Variants in N4BP2L2 observed in about 807,000 individuals in gnomAD.
The protein encoded by N4BP2L2 is NEDD4-binding protein 2-like 2.
A neutral mutation model predicts 56.2 loss-of-function variants in N4BP2L2; 50 were observed. The ratio of observed to expected loss-of-function variants is 0.89; its 90% CI spans 0.71 to 1.13. The LOEUF (loss-of-function observed/expected upper bound fraction) is 1.13, where lower values mean the gene tolerates loss of function less well. N4BP2L2 is among the 50% of genes most tolerant of loss of function. N4BP2L2 has a pLI of 0.00. For synonymous variants in N4BP2L2, 203 were observed against 223.6 expected (o/e 0.91, Z 0.82); for missense variants, 689 against 693.8 (o/e 0.99, Z 0.08).
At chr13:32,454,259 T>C (rs2078582559) in intron 6 of N4BP2L2, among the ~76,000 whole-genome samples, 1 of 152,204 alleles carries the variant, frequency 6.6e-6, no homozygotes, top group Non-Finnish European at 1.5e-5. Context: ...ATGATGATGA[T>C]GTTGTTGTTC....
At chr13:32,448,528 C>T (rs1356266713) in intron 6 of N4BP2L2, among the ~76,000 whole-genome samples, 1 of 152,068 alleles carries the variant, frequency 6.6e-6, no homozygotes, top group African/African-American at 2.4e-5. Context: ...TAGATGATGG[C>T]TTAGAATCCA....
intron 8 of N4BP2L2, among the ~76,000 whole-genome samples, chr13:32,437,047 AT>A (rs1326250290): frequency 6.6e-6 from 1 of 151,528 alleles, no homozygotes; most frequent in Non-Finnish European, 1.5e-5. Context: ...CACACGGCTA[AT>A]TTTTTTGTGT....
chr13:32,466,778 G>A (rs1271192824), intron 6 of N4BP2L2, among the ~76,000 whole-genome samples: 1 of 152,094 alleles, frequency 6.6e-6, no homozygotes, highest in East Asian at 1.9e-4. Flanking sequence ...TTTAACCTGG[G>A]TAGTGGTAAC....
intron 6 of N4BP2L2, among the ~76,000 whole-genome samples, chr13:32,495,369 T>G (rs1308780044): frequency 6.6e-6 from 1 of 152,062 alleles, no homozygotes; most frequent in Non-Finnish European, 1.5e-5. Flanking sequence ...ATAGGTTCCT[T>G]CTCTAGCACA....
exon 6 of N4BP2L2, chr13:32,511,133 AT>A (rs1327900939): frequency 6.6e-6 from 1 of 152,190 alleles, no homozygotes; most frequent in Non-Finnish European, 1.5e-5. Flanking sequence ...TTCTAAAGCC[AT>A]TGTAGAATTG....
chr13:32,493,223 T>C (rs2087629015), intron 6 of N4BP2L2, among the ~76,000 whole-genome samples: 1 of 151,814 alleles, frequency 6.6e-6, no homozygotes, highest in South Asian at 2.1e-4. Flanking sequence ...CCGTGCCCAG[T>C]CTCTTTCTTT....
rs529185044 is a variant in N4BP2L2 at position 32,518,956 on chromosome 13, T to C, written c.1551-953A>G. The stretch of plus-strand genomic sequence containing the variant: ...CCTCATAGTTTTCTGTAACTTGACC[T>C]GGACATGACAAAACATACAGGAAAC... On this transcript the variant is annotated intron_variant, in intron 5 of 5. Coordinates refer to ENST00000267068, the Ensembl canonical transcript of N4BP2L2. Among the ~76,000 whole-genome samples, 3 of 152,316 alleles carry C rather than the reference T, an allele frequency of 2.0e-5. No individual in the cohort carries two copies. The South Asian group carries it at 6.2e-4, about 32-fold the overall frequency.
chr13:32,501,814 C>G (rs990819817), intron 6 of N4BP2L2, among the ~76,000 whole-genome samples: 1 of 151,160 alleles, frequency 6.6e-6, no homozygotes, highest in African/African-American at 2.4e-5. Flanking sequence ...GACTCCATCT[C>G]TGTGAGAGAT....
At chr13:32,527,831 G>A (rs1277934009) in intron 2 of N4BP2L2, among the ~76,000 whole-genome samples, 1 of 151,238 alleles carries the variant, frequency 6.6e-6, no homozygotes. Flanking sequence ...GAGTGCAGTG[G>A]CACGATCTTG....
intron 6 of N4BP2L2, among the ~76,000 whole-genome samples, chr13:32,457,312 A>G (rs528508767): frequency 6.6e-6 from 1 of 152,220 alleles, no homozygotes; most frequent in Admixed American, 6.5e-5. Context: ...CAGAAAACCT[A>G]CTTAATGAAA....
chr13:32,488,211 C>T (rs7317758), intron 6 of N4BP2L2, among the ~76,000 whole-genome samples: 8,714 of 152,134 alleles, frequency 0.057, 841 homozygotes, highest in African/African-American at 0.2. Context: ...ATATACAACA[C>T]GGAATACTAG....
intron 6 of N4BP2L2, among the ~76,000 whole-genome samples, chr13:32,450,470 G>A (rs1255339230): frequency 3.3e-5 from 5 of 151,652 alleles, no homozygotes; most frequent in Non-Finnish European, 7.4e-5. Flanking sequence ...GACTACAGGC[G>A]CCTGCAACCA....
intron 6 of N4BP2L2, among the ~76,000 whole-genome samples, chr13:32,448,220 G>T (rs957043831): frequency 3.3e-5 from 5 of 152,088 alleles, no homozygotes; most frequent in African/African-American, 9.7e-5. Context: ...GATGGTGGTG[G>T]TGATAACTTC....
intron 6 of N4BP2L2, among the ~76,000 whole-genome samples, chr13:32,480,171 C>T (rs1216597738): frequency 1.3e-5 from 2 of 152,178 alleles, no homozygotes; most frequent in Non-Finnish European, 2.9e-5. Flanking sequence ...AGACTTCTAG[C>T]TGACTTCTTA....
intron 6 of N4BP2L2, among the ~76,000 whole-genome samples, chr13:32,468,764 G>A (rs1192978419): frequency 3.3e-5 from 5 of 152,210 alleles, no homozygotes; most frequent in African/African-American, 4.8e-5. Context: ...AGGTATAACT[G>A]CCCTGCTGAT....
chr13:32,433,898 T>C (rs1593350380), intron 9 of N4BP2L2, among the ~76,000 whole-genome samples: 1 of 118,102 alleles, frequency 8.5e-6, no homozygotes, highest in Non-Finnish European at 1.6e-5. Context: ...ACCACTGCAC[T>C]CCAGCCTGGG....
At chr13:32,468,017 AT>A (rs1322787896) in intron 6 of N4BP2L2, among the ~76,000 whole-genome samples, 1 of 152,014 alleles carries the variant, frequency 6.6e-6, no homozygotes, top group African/African-American at 2.4e-5. Flanking sequence ...AAAATAATGC[AT>A]TTGCTTTTAG....
intron 7 of N4BP2L2, among the ~76,000 whole-genome samples, chr13:32,442,000 C>T (rs559261938): frequency 6.4e-4 from 98 of 152,210 alleles, no homozygotes; most frequent in African/African-American, 2.1e-3. Flanking sequence ...GGCGTGAACC[C>T]GGGAGGCGGA....
At chr13:32,437,433 C>G (rs1312832543) in intron 8 of N4BP2L2, among the ~76,000 whole-genome samples, 1 of 152,196 alleles carries the variant, frequency 6.6e-6, no homozygotes, top group African/African-American at 2.4e-5. Flanking sequence ...TTACTATTCA[C>G]TTCAAAATGT....
Sources: allele counts gnomAD v4.1 joint callset (sites outside exome capture counted in the v4.1 genomes callset), GRCh38; gene constraint gnomAD v4.1.1; transcripts MANE v1.5; gene names NCBI Gene and HGNC (gene_info 2026-07-23, HGNC 2026-07-21).